The following CNTLN variants were observed in gnomAD, a reference collection of about 807,000 sequenced individuals.
CNTLN encodes the protein centlein.
CNTLN carries 212 observed loss-of-function variants against 180.0 expected under a neutral mutation model. The observed-to-expected ratio is 1.18, with a 90% CI of 1.05 to 1.32. CNTLN has a LOEUF of 1.32. Ranked by LOEUF, CNTLN falls within the 40% of genes most tolerant of loss-of-function variation. The pLI is 0.00. For missense variants in CNTLN, 2,095 were observed against 1,610.9 expected, an observed-to-expected ratio of 1.30 and a Z score of -5.14; for synonymous variants, 722 against 563.1, an observed-to-expected ratio of 1.28 and a Z score of -3.99.
chr9:17,211,451 AC>A (rs1347989529), intron 2 of CNTLN, among the ~76,000 whole-genome samples: 3 of 152,038 alleles, frequency 2.0e-5, no homozygotes, highest in African/African-American at 7.3e-5. Flanking sequence ...TGTTTTGGTT[AC>A]TGTAGCTTTG....
intron 12 of CNTLN, among the ~76,000 whole-genome samples, chr9:17,354,919 G>T (rs1366267338): frequency 6.6e-6 from 1 of 152,046 alleles, no homozygotes; most frequent in East Asian, 1.9e-4. Context: ...AGCCCAGCGA[G>T]ACCACGAGCC....
intron 18 of CNTLN, among the ~76,000 whole-genome samples, chr9:17,434,797 CT>C (rs1182520744): frequency 6.6e-6 from 1 of 151,150 alleles, no homozygotes; most frequent in African/African-American, 2.4e-5. Context: ...CTCTTCATTC[CT>C]GAAGGATATA....
downstream of CNTLN, among the ~76,000 whole-genome samples, chr9:17,506,733 AAAC>A (rs1409337021): frequency 2.0e-4 from 3 of 15,346 alleles, no homozygotes; most frequent in Non-Finnish European, 1.4e-3. Flanking sequence ...ATAACTGTAA[AAAC>A]AACAAAATGT....
intron 15 of CNTLN, 80 bp downstream of exon 15, chr9:17,395,149 A>C: frequency 6.7e-7 from 1 of 1,482,188 alleles, no homozygotes; most frequent in South Asian, 1.4e-5. Flanking sequence ...TTGAATTTCA[A>C]CTACTGTCGA....
chr9:17,445,862 G>C (rs1490527579), intron 18 of CNTLN, among the ~76,000 whole-genome samples: 1 of 152,140 alleles, frequency 6.6e-6, no homozygotes, highest in African/African-American at 2.4e-5. Context: ...TCTGTCTCCT[G>C]CCTGTCCCTG....
At chr9:17,245,231 A>G (rs1825729634) in intron 5 of CNTLN, among the ~76,000 whole-genome samples, 1 of 151,920 alleles carries the variant, frequency 6.6e-6, no homozygotes, top group South Asian at 2.1e-4. Flanking sequence ...CTTGTAGGAC[A>G]GATTTGGTAT....
chr9:17,350,996 C>G (rs1477707488), intron 12 of CNTLN, among the ~76,000 whole-genome samples: 2 of 152,116 alleles, frequency 1.3e-5, no homozygotes, highest in African/African-American at 4.8e-5. Context: ...ATAATTAAAT[C>G]AAAGACAGAA....
At chr9:17,455,410 A>G (rs1406684467) in intron 18 of CNTLN, among the ~76,000 whole-genome samples, 1 of 152,188 alleles carries the variant, frequency 6.6e-6, no homozygotes, top group East Asian at 1.9e-4. Context: ...ACATTTTTAT[A>G]TTGTTAAATT....
intron 12 of CNTLN, among the ~76,000 whole-genome samples, chr9:17,357,002 A>G (rs529971601): frequency 2.0e-4 from 31 of 151,802 alleles, no homozygotes; most frequent in Non-Finnish European, 2.9e-4. Flanking sequence ...GTATATATAC[A>G]TATTTGTTTC....
chr9:17,424,015 G>A (rs1828912045), intron 18 of CNTLN, among the ~76,000 whole-genome samples: 1 of 152,070 alleles, frequency 6.6e-6, no homozygotes, highest in Non-Finnish European at 1.5e-5. Flanking sequence ...TTCTTAGGAA[G>A]GTGCTTTCTT....
In CNTLN at chr9:17,291,671, C is replaced by T. The variant is rs1563963553; in HGVS notation, c.984-6519C>T. Among the ~76,000 whole-genome samples the T allele has an allele frequency of 2.0e-5, 3 of 152,102 alleles. No individual in the cohort carries two copies. In the South Asian group the frequency reaches 6.2e-4, roughly 32 times the overall value. ...TCCATTTGCTTGGTATATTTTCCTCCATTCCTTTATTTTGAGCCTATGTGT... is the reference window on the plus strand; with the variant it reads ...TCCATTTGCTTGGTATATTTTCCTCTATTCCTTTATTTTGAGCCTATGTGT... On this transcript the variant is annotated intron_variant, in intron 6 of 25. Transcript: ENST00000380647.
chr9:17,367,479 G>A (rs552825206), intron 13 of CNTLN, among the ~76,000 whole-genome samples: 5 of 152,228 alleles, frequency 3.3e-5, no homozygotes, highest in Admixed American at 2.0e-4. Flanking sequence ...CAGTGGACTT[G>A]GGTGGCATGT....
chr9:17,233,373 G>A (rs1433451293), intron 3 of CNTLN, among the ~76,000 whole-genome samples: 2 of 152,012 alleles, frequency 1.3e-5, no homozygotes, highest in African/African-American at 2.4e-5. Flanking sequence ...AATTTATGAA[G>A]CATGTCTGTT....
chr9:17,442,112 G>A (rs78871254), intron 18 of CNTLN, among the ~76,000 whole-genome samples: 5,141 of 152,184 alleles, frequency 0.034, 125 homozygotes, highest in South Asian at 0.13. Context: ...TTTCAACAAT[G>A]GATAGAACAA....
chr9:17,384,353 A>T (rs1371461452), intron 13 of CNTLN, among the ~76,000 whole-genome samples: 1 of 151,886 alleles, frequency 6.6e-6, no homozygotes, highest in South Asian at 2.1e-4. Context: ...AGATACTTAC[A>T]TCGTCCTGGT....
chr9:17,394,960 A>T lies in CNTLN; in HGVS notation c.2506A>T (p.Asn836Tyr). The change falls in exon 15 of 26, where the codon AAT becomes TAT. Residue 836 changes from asparagine (N) to tyrosine (Y), a missense_variant. Physicochemically the swap from Asn to Tyr is moderately radical, Grantham distance 143. Transcript: ENST00000380647. Reference protein sequence around the residue: ...TKVKFKAAKKNCSVGRHHTVL... With the variant: ...TKVKFKAAKKYCSVGRHHTVL... ...GGTTAAATTTAAAGCTGCGAAGAAA[A>T]ATTGCTCTGTGGGTCGTCACCACAC... 1 of 1,614,056 alleles carries T rather than the reference A, an allele frequency of 6.2e-7. No individual in the cohort carries two copies. Among genetic ancestry groups the T allele is most frequent in the Non-Finnish European group, 8.5e-7 (1 of 1,179,964 alleles).
chr9:17,301,402 CA>C (rs1229299892), intron 7 of CNTLN: 9 of 985,140 alleles, frequency 9.1e-6, no homozygotes, highest in African/African-American at 1.7e-5. Context: ...GATATTGAGG[CA>C]GAATAAAAAT....
chr9:17,444,969 A>G (rs1830316115), intron 18 of CNTLN, among the ~76,000 whole-genome samples: 1 of 152,078 alleles, frequency 6.6e-6, no homozygotes, highest in African/African-American at 2.4e-5. Flanking sequence ...GGAAATTTCT[A>G]CTCTATGCTA....
chr9:17,492,691 A>G (rs558844178), intron 25 of CNTLN, among the ~76,000 whole-genome samples: 2 of 152,312 alleles, frequency 1.3e-5, no homozygotes, highest in South Asian at 2.1e-4. Flanking sequence ...TCCTCCACAC[A>G]TTAAGCATAG....
Sources: allele counts gnomAD v4.1 joint callset (sites outside exome capture counted in the v4.1 genomes callset), GRCh38; gene constraint gnomAD v4.1.1; transcripts MANE v1.5; gene names NCBI Gene and HGNC (gene_info 2026-07-23, HGNC 2026-07-21).